Variants in EFR3A observed in about 807,000 individuals in gnomAD.
EFR3A encodes EFR3 homolog A.
A neutral mutation model predicts 104.4 loss-of-function variants in EFR3A; 76 were observed. The observed-to-expected ratio is 0.73, with a 90% CI of 0.60 to 0.88. The LOEUF is 0.88. EFR3A is among the 40% of genes least tolerant of loss of function. EFR3A has a pLI of 0.00. For synonymous variants in EFR3A, 330 were observed against 330.0 expected (o/e 1.00, Z 0.00); for missense variants, 985 against 1,012.5 (o/e 0.97, Z 0.37).
At chr8:131,971,610 C>T (rs1444494544) in intron 10 of EFR3A, among the ~76,000 whole-genome samples, 3 of 151,784 alleles carry the variant, frequency 2.0e-5, no homozygotes, top group African/African-American at 7.3e-5. Flanking sequence ...ATGGCGTGAA[C>T]CCGGGAGGCA....
chr8:132,006,552 C>G (rs1433068449), intron 22 of EFR3A, among the ~76,000 whole-genome samples: 1 of 151,836 alleles, frequency 6.6e-6, no homozygotes, highest in Non-Finnish European at 1.5e-5. Context: ...TAAAAGCATC[C>G]TACAAGAAAA....
chr8:131,978,686 A>G (rs967628397), intron 12 of EFR3A, among the ~76,000 whole-genome samples, 161 bp from the exon 13 acceptor site: 3 of 152,208 alleles, frequency 2.0e-5, no homozygotes, highest in Non-Finnish European at 4.4e-5. Context: ...TTGTAAATTC[A>G]GCAAAATCCT....
rs1267981754 is a variant in EFR3A, at chr8:131,966,460, C to T, written c.856-1835C>T. 3.9e-5 allele frequency among the ~76,000 whole-genome samples: 6 copies of T among 152,196 alleles called. No individual in the cohort carries two copies. In the East Asian group the frequency reaches 1.2e-3, roughly 29 times the overall value. Reference sequence around the variant, plus strand: ...TTCAATGTTAATAGTCATATATTAGCTCACAAGTCACAAATTGAAAAGTAG... The same window carrying T: ...TTCAATGTTAATAGTCATATATTAGTTCACAAGTCACAAATTGAAAAGTAG... On this transcript the variant is annotated intron_variant, in intron 8 of 22. Coordinates refer to ENST00000254624, the MANE Select transcript of EFR3A (RefSeq NM_015137.6).
At chr8:131,923,629 TTTTA>T (rs1817161508) in intron 1 of EFR3A, among the ~76,000 whole-genome samples, 1 of 151,946 alleles carries the variant, frequency 6.6e-6, no homozygotes, top group African/African-American at 2.4e-5. Flanking sequence ...GTATAAAGTG[TTTTA>T]TTTACCAAGA....
chr8:132,005,494 C>G (rs2130813191), intron 22 of EFR3A, among the ~76,000 whole-genome samples: 1 of 151,710 alleles, frequency 6.6e-6, no homozygotes, highest in South Asian at 2.1e-4. Flanking sequence ...CACAGATAAC[C>G]CAGTTATTGG....
intron 1 of EFR3A, among the ~76,000 whole-genome samples, chr8:131,910,071 G>A (rs1261347750): frequency 1.3e-5 from 2 of 152,190 alleles, no homozygotes; most frequent in Non-Finnish European, 2.9e-5. Context: ...GCCAGGGTGG[G>A]CAGGTTCCCC....
chr8:131,986,239 C>A lies in EFR3A; in HGVS notation c.1915C>A (p.His639Asn). Residue 639 changes from histidine to asparagine, a missense_variant, in exon 17 of 23, where the codon CAT (histidine) becomes AAT (asparagine). His to Asn is a moderately conservative substitution (Grantham distance 68, BLOSUM62 1). Coordinates refer to ENST00000254624, the MANE Select transcript of EFR3A (RefSeq NM_015137.6). ...TMEAPYFLPEHIFRDKCMLPK... is the reference protein window; with the variant it reads ...TMEAPYFLPENIFRDKCMLPK... Reference sequence around the variant, plus strand: ...GGAAGCCCCTTATTTTCTACCAGAGCATATCTTCAGAGATAAGTGCATGTA... The same window carrying A: ...GGAAGCCCCTTATTTTCTACCAGAGAATATCTTCAGAGATAAGTGCATGTA... 6.3e-7 allele frequency: 1 copy of A among 1,589,278 alleles called. No homozygotes were observed. The highest frequency in any genetic ancestry group is 8.6e-7 in the Non-Finnish European group (1 of 1,160,446).
At chr8:132,004,431 A>G (rs1426805954) in intron 22 of EFR3A, among the ~76,000 whole-genome samples, 1 of 152,178 alleles carries the variant, frequency 6.6e-6, no homozygotes, top group East Asian at 1.9e-4. Context: ...CATGCAAGGG[A>G]TCTAGGTTGC....
chr8:131,963,132 T>C (rs184845996), intron 8 of EFR3A, among the ~76,000 whole-genome samples: 1,599 of 152,142 alleles, frequency 0.011, 9 homozygotes, highest in Non-Finnish European at 0.017. Flanking sequence ...GATCTAAAAA[T>C]TGACACCCTA....
intron 10 of EFR3A, among the ~76,000 whole-genome samples, chr8:131,972,230 C>T (rs1310284259): frequency 6.7e-6 from 1 of 148,910 alleles, no homozygotes. Context: ...GGAGCTCCTT[C>T]AAGACATCCC....
At chr8:131,959,712 C>G in intron 8 of EFR3A, 49 bp downstream of exon 8, 1 of 1,382,432 alleles carries the variant, frequency 7.2e-7, no homozygotes, top group Non-Finnish European at 1.0e-6. Context: ...AATTTTGGTT[C>G]TCTATGGATA....
At chr8:131,961,897 C>T (rs895905714) in intron 8 of EFR3A, among the ~76,000 whole-genome samples, 1 of 152,080 alleles carries the variant, frequency 6.6e-6, no homozygotes, top group African/African-American at 2.4e-5. Flanking sequence ...AGAGTGGGGG[C>T]CAATATTCAA....
chr8:131,954,382 A>G (rs1255890616), intron 6 of EFR3A, among the ~76,000 whole-genome samples: 2 of 151,990 alleles, frequency 1.3e-5, no homozygotes, highest in Non-Finnish European at 2.9e-5. Context: ...TAATGATAAT[A>G]ATAGCTACCC....
At position 131,988,703 on chromosome 8, in the gene EFR3A, A is replaced by G. The variant is rs139004067; in HGVS notation, c.2065+1001A>G. The stretch of plus-strand genomic sequence containing the variant: ...ATTTGAATTTAGCTCTCTTTCCTTC[A>G]AGCAAAAAACCTCTTAAACCCAGGC... On this transcript the variant is annotated intron_variant, in intron 18 of 22. Coordinates refer to ENST00000254624, the MANE Select transcript of EFR3A (RefSeq NM_015137.6). Among the ~76,000 whole-genome samples, 1,159 of 152,198 alleles carry G rather than the reference A, an allele frequency of 7.6e-3. 11 individuals are homozygous for G. Among genetic ancestry groups the G allele is most frequent in the African/African-American group, 0.025 (1,057 of 41,552 alleles).
In EFR3A at chr8:131,977,098, G is replaced by A. The variant is rs1820360022; in HGVS notation, c.1326+6G>A. On this transcript the variant is annotated splice_donor_region_variant and intron_variant, in intron 12 of 22. Coordinates refer to ENST00000254624, the MANE Select transcript of EFR3A (RefSeq NM_015137.6). ...TGCTGAGATCTTTGCTTATGGTAAG[G>A]CATTTAAGACAAATAAAGGACACAC... The A allele has an allele frequency of 3.8e-6, 6 of 1,594,334 alleles. No homozygotes were observed. In the East Asian group the frequency reaches 9.1e-5, roughly 24 times the overall value.
At chr8:131,931,753 A>C (rs1307431921) in intron 1 of EFR3A, among the ~76,000 whole-genome samples, 1 of 151,986 alleles carries the variant, frequency 6.6e-6, no homozygotes, top group Non-Finnish European at 1.5e-5. Context: ...AAAACCAGCT[A>C]ACATCTTAGG....
At chr8:132,001,647 C>A in intron 19 of EFR3A, 112 bp from the exon 20 acceptor site, 2 of 870,474 alleles carry the variant, frequency 2.3e-6, no homozygotes, top group Non-Finnish European at 3.8e-6. Context: ...TCAGACCCAA[C>A]ACAAAGAAGA....
intron 1 of EFR3A, among the ~76,000 whole-genome samples, chr8:131,932,966 A>G (rs1236548047): frequency 6.6e-6 from 1 of 152,068 alleles, no homozygotes; most frequent in Non-Finnish European, 1.5e-5. Context: ...CATAATTACT[A>G]CACTCCTCTA....
intron 1 of EFR3A, among the ~76,000 whole-genome samples, chr8:131,933,960 G>T (rs1817744912): frequency 6.6e-6 from 1 of 151,942 alleles, no homozygotes; most frequent in Non-Finnish European, 1.5e-5. Flanking sequence ...TTGCTTTGTT[G>T]TCCTCTTTTC....
Sources: gnomAD v4.1 joint callset for allele counts (sites outside exome capture counted in the v4.1 genomes callset) on GRCh38, gnomAD v4.1.1 for gene constraint, MANE v1.5 for transcripts, NCBI Gene and HGNC (gene_info 2026-07-23, HGNC 2026-07-21) for gene names.